TTLL11: variants seen among roughly 807,000 people sequenced by gnomAD.
The protein encoded by TTLL11 is tubulin polyglutamylase TTLL11.
A neutral mutation model predicts 51.7 loss-of-function variants in TTLL11; 42 were observed. That is an observed-to-expected ratio of 0.81 (90% CI 0.64 to 1.05). The LOEUF is 1.05. TTLL11 is among the 50% of genes least tolerant of loss of function. The probability of loss-of-function intolerance (pLI) is 0.00; values close to 1 mark genes in which losing one functional copy is unlikely to be tolerated. For missense variants in TTLL11, 799 were observed against 940.4 expected, an observed-to-expected ratio of 0.85 and a Z score of 1.97; for synonymous variants, 381 against 383.5, an observed-to-expected ratio of 0.99 and a Z score of 0.08.
chr9:121,838,761 A>C (rs923460239), intron 8 of TTLL11, among the ~76,000 whole-genome samples: 217 of 86,948 alleles, frequency 2.5e-3, no homozygotes, highest in Non-Finnish European at 4.6e-3. Context: ...AGAAAGAGAG[A>C]AAGCAAGCAA....
chr9:122,027,760 T>G (rs1844392965), intron 3 of TTLL11, among the ~76,000 whole-genome samples: 1 of 152,190 alleles, frequency 6.6e-6, no homozygotes, highest in Non-Finnish European at 1.5e-5. Flanking sequence ...AATGTGTTGA[T>G]GCAAATTCTT....
chr9:121,974,210 G>C lies in TTLL11; in HGVS notation c.1366-86C>G, dbSNP rs1050902380. The C allele has an allele frequency of 4.4e-6, 4 of 908,874 alleles. No individual in the cohort carries two copies. The African/African-American group carries it at 5.1e-5, about 12-fold the overall frequency. The allele number at this position is 908,874 out of a possible 1,614,324, so 56.3% of individuals were successfully genotyped here. A position where few individuals can be genotyped will look rare whatever the true frequency, so the allele number is the denominator to read the frequency against. ...CCAGCTAGCTCCAGGGGTTATACTA[G>C]TAAATTTTGCTTATGCTAATCTATA... On this transcript the variant is annotated intron_variant, in intron 5 of 8. Transcript: ENST00000321582.
intron 1 of TTLL11, among the ~76,000 whole-genome samples, chr9:122,082,501 C>CAAAAAAAAA (rs35349693): frequency 3.5e-5 from 3 of 84,666 alleles, no homozygotes; most frequent in African/African-American, 1.1e-4. Context: ...GACTCTGTCT[C>CAAAAAAAAA]AAAAAAAAAA....
intron 8 of TTLL11, among the ~76,000 whole-genome samples, chr9:121,847,952 A>T (rs1837565552): frequency 6.6e-6 from 1 of 152,208 alleles, no homozygotes; most frequent in Non-Finnish European, 1.5e-5. Context: ...TATAATTCCA[A>T]CACTTTAAGA....
At chr9:121,940,041 T>C (rs533895542) in intron 6 of TTLL11, among the ~76,000 whole-genome samples, 3 of 152,322 alleles carry the variant, frequency 2.0e-5, no homozygotes, top group East Asian at 3.9e-4. Flanking sequence ...TCCAGCGTTC[T>C]GAGAGGACTG....
chr9:121,852,823 G>C (rs1248833718), intron 8 of TTLL11, among the ~76,000 whole-genome samples: 1 of 152,124 alleles, frequency 6.6e-6, no homozygotes, highest in Non-Finnish European at 1.5e-5. Flanking sequence ...AGCGTGTAGG[G>C]CACACATCCA....
At chr9:121,856,683 G>C (rs961290732) in intron 8 of TTLL11, among the ~76,000 whole-genome samples, 25 of 152,302 alleles carry the variant, frequency 1.6e-4, no homozygotes, top group African/African-American at 4.6e-4. Flanking sequence ...CTTTGAGCGT[G>C]AGAACCCAGG....
intron 6 of TTLL11, among the ~76,000 whole-genome samples, chr9:121,942,929 A>T (rs894528608): frequency 6.6e-6 from 1 of 152,008 alleles, no homozygotes; most frequent in Non-Finnish European, 1.5e-5. Context: ...CAAGCAAGGG[A>T]GCTGTTCGCT....
intron 6 of TTLL11, among the ~76,000 whole-genome samples, chr9:121,893,184 T>C (rs572656441): frequency 6.6e-6 from 1 of 152,258 alleles, no homozygotes; most frequent in Admixed American, 6.5e-5. Context: ...ATAAAGTCAA[T>C]ATATGTTCAT....
At chr9:121,867,046 G>A (rs542676282) in intron 7 of TTLL11, among the ~76,000 whole-genome samples, 2 of 152,156 alleles carry the variant, frequency 1.3e-5, no homozygotes, top group Admixed American at 6.5e-5. Flanking sequence ...ACCTCGCCTG[G>A]TTCCAATCTG....
At chr9:121,930,242 G>A (rs72765915) in intron 6 of TTLL11, among the ~76,000 whole-genome samples, 2,132 of 152,302 alleles carry the variant, frequency 0.014, 22 homozygotes, top group Non-Finnish European at 0.023. Context: ...CTGTCATACC[G>A]TGTTGCTGTG....
chr9:121,986,064 T>TC (rs1842933013), intron 4 of TTLL11, among the ~76,000 whole-genome samples: 1 of 152,094 alleles, frequency 6.6e-6, no homozygotes, highest in South Asian at 2.1e-4. Context: ...TCCTGGCGTC[T>TC]CCCCCCATGC....
chr9:122,015,711 G>A (rs945320603), intron 3 of TTLL11, among the ~76,000 whole-genome samples: 4 of 150,996 alleles, frequency 2.6e-5, no homozygotes, highest in Non-Finnish European at 4.4e-5. Flanking sequence ...CTCATGCTCC[G>A]AGCCTGGCCC....
At chr9:122,019,610 C>A (rs12348794) in intron 3 of TTLL11, among the ~76,000 whole-genome samples, 13 of 152,192 alleles carry the variant, frequency 8.5e-5, no homozygotes, top group Admixed American at 5.2e-4. Flanking sequence ...CCACCACACC[C>A]GGTAAATCGT....
intron 3 of TTLL11, among the ~76,000 whole-genome samples, chr9:122,021,951 G>A (rs1844193536): frequency 6.6e-6 from 1 of 151,974 alleles, no homozygotes; most frequent in South Asian, 2.1e-4. Context: ...GTAGAAATAT[G>A]GAAGATAGTT....
At chr9:122,075,316 G>A (rs902032959) in intron 1 of TTLL11, among the ~76,000 whole-genome samples, 5 of 152,206 alleles carry the variant, frequency 3.3e-5, no homozygotes, top group Non-Finnish European at 7.3e-5. Flanking sequence ...CCTTGCACAG[G>A]CCTTGGGCCA....
rs574432683 is a variant in TTLL11, at chr9:121,836,519, C to A, written c.1841-13640G>T. Among the ~76,000 whole-genome samples the A allele has an allele frequency of 1.4e-4, 22 of 152,278 alleles. No individual in the cohort carries two copies. In the East Asian group the frequency reaches 2.7e-3, roughly 19 times the overall value. ...CTGGGAGCTGAAATGTGCAAAACCT[C>A]CCCCGACACCCCAGTTTAACACAGA... On this transcript the variant is annotated intron_variant, in intron 8 of 8. Coordinates refer to ENST00000321582, the MANE Select transcript of TTLL11 (RefSeq NM_001139442.2).
At chr9:121,864,254 T>C (rs1055417178) in intron 7 of TTLL11, among the ~76,000 whole-genome samples, 1 of 152,222 alleles carries the variant, frequency 6.6e-6, no homozygotes, top group Non-Finnish European at 1.5e-5. Flanking sequence ...GATACCGTTC[T>C]CAGAGACTAT....
In TTLL11 at chr9:122,049,717, C is replaced by T. The variant is rs116415563; in HGVS notation, c.463-10349G>A. Among the ~76,000 whole-genome samples the T allele has an allele frequency of 9.2e-3, 1,397 of 152,284 alleles. 22 individuals are homozygous for T. The highest frequency in any genetic ancestry group is 0.031 in the African/African-American group (1,282 of 41,552). ...AATCTGTGTTTAAGGAATTGATGTT[C>T]GGGTCCCTCTTCTAATGGCCCAAAG... On this transcript the variant is annotated intron_variant, in intron 1 of 8. Transcript: ENST00000321582.
Sources: allele counts gnomAD v4.1 joint callset (sites outside exome capture counted in the v4.1 genomes callset), GRCh38; gene constraint gnomAD v4.1.1; transcripts MANE v1.5; gene names NCBI Gene and HGNC (gene_info 2026-07-23, HGNC 2026-07-21).